The following ERBB4 variants were observed in gnomAD, a reference collection of about 807,000 sequenced individuals.
The protein encoded by ERBB4 is receptor tyrosine-protein kinase erbB-4.
ERBB4 carries 42 observed loss-of-function variants against 158.0 expected under a neutral mutation model. The ratio of observed to expected loss-of-function variants is 0.27; its 90% CI spans 0.21 to 0.34. ERBB4 has a LOEUF of 0.34. ERBB4 is among the 10% of genes least tolerant of loss of function. The pLI is 1.00. For missense variants in ERBB4, 1,333 were observed against 1,624.1 expected (o/e 0.82, Z 3.08); for synonymous variants, 583 against 558.7 (o/e 1.04, Z -0.61).
chr2:211,384,851 C>T (rs1044075519), intron 27 of ERBB4, among the ~76,000 whole-genome samples: 8 of 151,680 alleles, frequency 5.3e-5, no homozygotes, highest in African/African-American at 1.5e-4. Context: ...CTATTTTGTA[C>T]GGATCAATCT....
intron 3 of ERBB4, among the ~76,000 whole-genome samples, chr2:211,831,841 T>G (rs960601523): frequency 6.6e-6 from 1 of 151,974 alleles, no homozygotes; most frequent in African/African-American, 2.4e-5. Context: ...AGGCAGAGGT[T>G]GCAGTGAGCC....
chr2:211,580,811 TA>T lies in ERBB4; in HGVS notation c.2302-18724del, dbSNP rs202172784. 2.7e-3 allele frequency among the ~76,000 whole-genome samples: 140 copies of T among 52,318 alleles called. 3 individuals are homozygous for T. The highest frequency in any genetic ancestry group is 0.016 in the African/African-American group (118 of 7,290). The allele number at this position is 52,318 out of a possible 152,430, so 34.3% of individuals were successfully genotyped here. On this transcript the variant is annotated intron_variant, in intron 19 of 27. Transcript: ENST00000342788. The stretch of plus-strand genomic sequence containing the variant: ...TGATATATATATATATATATATATA[TA>T]ATATATATATATTATATATATAGAT...
chr2:212,111,111 T>C (rs1281024883), intron 2 of ERBB4, among the ~76,000 whole-genome samples: 1 of 152,156 alleles, frequency 6.6e-6, no homozygotes, highest in Non-Finnish European at 1.5e-5. Flanking sequence ...TGTCCTTCCT[T>C]TGTCCCTGTT....
At chr2:212,479,870 A>T (rs1689598093) in intron 1 of ERBB4, among the ~76,000 whole-genome samples, 1 of 152,200 alleles carries the variant, frequency 6.6e-6, no homozygotes, top group Admixed American at 6.5e-5. Flanking sequence ...TTAACAGAGG[A>T]CTTCATGATG....
At chr2:211,632,198 A>G (rs1330056586) in intron 16 of ERBB4, among the ~76,000 whole-genome samples, 1 of 152,118 alleles carries the variant, frequency 6.6e-6, no homozygotes, top group Non-Finnish European at 1.5e-5. Flanking sequence ...CTAAAGATAT[A>G]AAAATCTCTG....
At chr2:212,467,352 G>C (rs114753063) in intron 1 of ERBB4, among the ~76,000 whole-genome samples, 1,819 of 152,264 alleles carry the variant, frequency 0.012, 40 homozygotes, top group African/African-American at 0.042. Flanking sequence ...CCAGAGGCTT[G>C]AGAGGAAAAA....
chr2:211,681,087 T>A (rs1383217929), intron 12 of ERBB4, among the ~76,000 whole-genome samples: 1 of 152,206 alleles, frequency 6.6e-6, no homozygotes, highest in East Asian at 1.9e-4. Flanking sequence ...TTCTATAATT[T>A]TTAATAAATG....
At chr2:212,491,368 C>T (rs1448103243) in intron 1 of ERBB4, among the ~76,000 whole-genome samples, 1 of 151,572 alleles carries the variant, frequency 6.6e-6, no homozygotes. Flanking sequence ...AACACACGAC[C>T]TTTATAACTC....
At chr2:212,075,915 T>G (rs960096188) in intron 2 of ERBB4, among the ~76,000 whole-genome samples, 7 of 151,952 alleles carry the variant, frequency 4.6e-5, no homozygotes, top group African/African-American at 1.4e-4. Context: ...TATTGCTACA[T>G]TTATGATAAT....
chr2:211,597,538 G>T (rs1171605363), intron 19 of ERBB4, among the ~76,000 whole-genome samples: 1 of 152,050 alleles, frequency 6.6e-6, no homozygotes, highest in Non-Finnish European at 1.5e-5. Flanking sequence ...GAGAGCTAAA[G>T]AAGTTTTGTA....
Position 211,497,685 on chromosome 2 carries a change from T to C in ERBB4, c.2487+64218A>G, listed in dbSNP as rs187479033. ...TTGCTACAAGTGATTGAATATGCTATAGGGAATAAAAGGATGAAGAATAGT... is the reference window on the plus strand; with the variant it reads ...TTGCTACAAGTGATTGAATATGCTACAGGGAATAAAAGGATGAAGAATAGT... On this transcript the variant is annotated intron_variant, in intron 20 of 27. Coordinates refer to ENST00000342788, the MANE Select transcript of ERBB4 (RefSeq NM_005235.3). Among the ~76,000 whole-genome samples the C allele has an allele frequency of 4.8e-4, 73 of 152,232 alleles. No homozygotes were observed. The East Asian group carries it at 0.012, about 24-fold the overall frequency.
intron 1 of ERBB4, among the ~76,000 whole-genome samples, chr2:212,240,586 C>T (rs1397032164): frequency 7.7e-6 from 1 of 129,728 alleles, no homozygotes. Context: ...TCAGCCGAGC[C>T]GAGATCGTGC....
In ERBB4 at chr2:211,659,233, T is replaced by C. The variant is rs147516280; in HGVS notation, c.1872-1405A>G. Among the ~76,000 whole-genome samples, 670 of 152,212 alleles carry C rather than the reference T, an allele frequency of 4.4e-3. 5 individuals are homozygous for C. Among genetic ancestry groups the C allele is most frequent in the African/African-American group, 0.015 (625 of 41,564 alleles). On this transcript the variant is annotated intron_variant, in intron 15 of 27. Coordinates refer to ENST00000342788, the MANE Select transcript of ERBB4 (RefSeq NM_005235.3). ...TATAACATTCCTGCTAGCTTAAAAA[T>C]TGATTTTTGTTTTTGTTTGGAGTAG...
chr2:211,524,652 G>GA (rs1479261548), intron 20 of ERBB4, among the ~76,000 whole-genome samples: 57 of 188 alleles, frequency 0.3, no homozygotes, highest in African/African-American at 0.43. Context: ...GGGGCCGGCA[G>GA]GGCCGCCGGC....
In ERBB4 at chr2:212,124,808, T is replaced by C; in HGVS notation, c.178A>G (p.Met60Val). 1 of 1,614,168 alleles carries C rather than the reference T, an allele frequency of 6.2e-7. No homozygotes were observed. Among genetic ancestry groups the C allele is most frequent in the East Asian group, 2.2e-5 (1 of 44,884 alleles). ...RKYYENCEVV[M>V]GNLEITSIEH... ...ATGCTGGTTATCTCCAGGTTGCCCATGACAACCTCACAGTTTTCATAGTAC... is the reference window on the plus strand; with the variant it reads ...ATGCTGGTTATCTCCAGGTTGCCCACGACAACCTCACAGTTTTCATAGTAC... The change falls in exon 2 of 28, where the codon ATG becomes GTG. Residue 60 changes from methionine to valine, a missense_variant. By Grantham distance (21) the Met-to-Val change is conservative. Coordinates refer to ENST00000342788, the MANE Select transcript of ERBB4 (RefSeq NM_005235.3).
At chr2:211,523,687 C>T (rs1156543937) in intron 20 of ERBB4, among the ~76,000 whole-genome samples, 2 of 151,920 alleles carry the variant, frequency 1.3e-5, no homozygotes, top group Admixed American at 6.6e-5. Context: ...TGCAGACTTT[C>T]GCAGTGAGTG....
chr2:212,487,957 T>A (rs1194339188), intron 1 of ERBB4, among the ~76,000 whole-genome samples: 4 of 152,262 alleles, frequency 2.6e-5, no homozygotes, highest in Non-Finnish European at 5.9e-5. Context: ...TCTATATTTT[T>A]CACTTTGCTC....
chr2:212,233,164 A>G (rs901651082), intron 1 of ERBB4, among the ~76,000 whole-genome samples: 1 of 152,166 alleles, frequency 6.6e-6, no homozygotes, highest in Non-Finnish European at 1.5e-5. Flanking sequence ...ATTAATAATG[A>G]TATAATGACC....
rs138889605 is a variant in ERBB4, at chr2:212,174,614, T to A, written c.83-49711A>T. On this transcript the variant is annotated intron_variant, in intron 1 of 27. Transcript: ENST00000342788. ...ATTAAAACAGAACCAAAGACCACAT[T>A]TGTGGACATATTTCTGCTTGAAGCA... Among the ~76,000 whole-genome samples the A allele has an allele frequency of 4.5e-3, 680 of 152,170 alleles. 1 individual carries two copies. Among genetic ancestry groups the A allele is most frequent in the African/African-American group, 9.5e-3 (394 of 41,546 alleles).
Sources: allele counts gnomAD v4.1 joint callset (sites outside exome capture counted in the v4.1 genomes callset), GRCh38; gene constraint gnomAD v4.1.1; transcripts MANE v1.5; gene names NCBI Gene and HGNC (gene_info 2026-07-23, HGNC 2026-07-21).